The following CSMD1 variants were observed in gnomAD, a reference collection of about 807,000 sequenced individuals.
The protein encoded by CSMD1 is CUB and Sushi multiple domains 1.
Under a neutral mutation model 417.5 loss-of-function variants are expected in CSMD1, and 213 were observed. That is an observed-to-expected ratio of 0.51 (90% confidence interval 0.46 to 0.57). The LOEUF is 0.57. Ranked by LOEUF, CSMD1 falls within the 20% of genes least tolerant of loss-of-function variation. The pLI, the probability that CSMD1 is intolerant of heterozygous loss-of-function variation, is 0.00. For synonymous variants in CSMD1, 2,862 were observed against 1,736.8 expected, an observed-to-expected ratio of 1.65 and a Z score of -16.11; for missense variants, 6,923 against 4,529.7, an observed-to-expected ratio of 1.53 and a Z score of -15.17.
chr8:4,955,799 T>C (rs201837040), intron 1 of CSMD1, among the ~76,000 whole-genome samples: 1 of 45,482 alleles, frequency 2.2e-5, no homozygotes, highest in African/African-American at 5.6e-5. Context: ...TAACAGTACC[T>C]TCAAATTGGC....
intron 3 of CSMD1, among the ~76,000 whole-genome samples, chr8:4,377,545 T>C (rs575320946): frequency 6.6e-6 from 1 of 152,312 alleles, no homozygotes; most frequent in South Asian, 2.1e-4. Flanking sequence ...ATACTCAAAG[T>C]TGAGTCAGTA....
chr8:3,945,370 A>G (rs948825464), intron 5 of CSMD1, among the ~76,000 whole-genome samples: 3 of 152,124 alleles, frequency 2.0e-5, no homozygotes, highest in Non-Finnish European at 2.9e-5. Context: ...TCATAAAGGT[A>G]ACAAACCTGC....
chr8:3,959,526 C>T (rs1183064128), intron 5 of CSMD1, among the ~76,000 whole-genome samples: 2 of 152,214 alleles, frequency 1.3e-5, no homozygotes, highest in East Asian at 1.9e-4. Context: ...AACAAACCAA[C>T]GAACGAAAGA....
intron 3 of CSMD1, among the ~76,000 whole-genome samples, chr8:4,270,541 A>T (rs1469953412): frequency 6.6e-6 from 1 of 152,152 alleles, no homozygotes; most frequent in African/African-American, 2.4e-5. Flanking sequence ...AGCTGTGACT[A>T]GTACAGCTTG....
intron 8 of CSMD1, among the ~76,000 whole-genome samples, chr8:3,613,777 G>T (rs1315877848): frequency 6.7e-6 from 1 of 150,340 alleles, no homozygotes; most frequent in Non-Finnish European, 1.5e-5. Context: ...TCCTCAAACT[G>T]ATAAAGGGCA....
At chr8:4,035,033 T>C (rs1050722137) in intron 3 of CSMD1, among the ~76,000 whole-genome samples, 1 of 152,166 alleles carries the variant, frequency 6.6e-6, no homozygotes, top group African/African-American at 2.4e-5. Flanking sequence ...CAATTAACTT[T>C]GGTATGAATA....
intron 2 of CSMD1, among the ~76,000 whole-genome samples, chr8:4,601,094 T>G (rs1416252779): frequency 6.6e-6 from 1 of 151,914 alleles, no homozygotes; most frequent in Non-Finnish European, 1.5e-5. Flanking sequence ...GTAGCTGGGA[T>G]TACAGGCATG....
At chr8:4,692,366 C>CA (rs766256025) in intron 1 of CSMD1, among the ~76,000 whole-genome samples, 1 of 152,082 alleles carries the variant, frequency 6.6e-6, no homozygotes, top group Non-Finnish European at 1.5e-5. Flanking sequence ...CAAAACGAAA[C>CA]AAAAAACTGA....
chr8:4,879,750 A>T (rs181631469), intron 1 of CSMD1, among the ~76,000 whole-genome samples: 1 of 152,240 alleles, frequency 6.6e-6, no homozygotes. Flanking sequence ...ATAATGTTAT[A>T]GAACCGGAAA....
chr8:3,643,484 C>CAAGGTCAGGAG (rs1797409892), intron 7 of CSMD1, among the ~76,000 whole-genome samples: 1 of 151,896 alleles, frequency 6.6e-6, no homozygotes, highest in African/African-American at 2.4e-5. Flanking sequence ...AGGCGGATCA[C>CAAGGTCAGGAG]AAGGTCAGGA....
intron 5 of CSMD1, among the ~76,000 whole-genome samples, chr8:3,939,478 A>G (rs764019531): frequency 6.6e-6 from 1 of 152,160 alleles, no homozygotes; most frequent in Non-Finnish European, 1.5e-5. Flanking sequence ...TAAAAGTAGA[A>G]CTACCATGTG....
intron 7 of CSMD1, among the ~76,000 whole-genome samples, chr8:3,628,893 C>T (rs529827899): frequency 2.2e-4 from 32 of 148,164 alleles, no homozygotes; most frequent in African/African-American, 7.0e-4. Flanking sequence ...TTATTCAAAA[C>T]GAAGACAGGC....
intron 7 of CSMD1, among the ~76,000 whole-genome samples, chr8:3,617,023 T>G (rs929827083): frequency 1.6e-4 from 25 of 152,162 alleles, no homozygotes; most frequent in African/African-American, 6.0e-4. Flanking sequence ...TGGTTTTATT[T>G]CTCTCATTTT....
At chr8:4,158,966 A>G (rs13249251) in intron 3 of CSMD1, among the ~76,000 whole-genome samples, 7,619 of 152,270 alleles carry the variant, frequency 0.05, 254 homozygotes, top group Non-Finnish European at 0.066. Flanking sequence ...CCCAGGTTGG[A>G]GTGCAGTGGC....
chr8:4,967,399 T>C (rs996656363), intron 1 of CSMD1, among the ~76,000 whole-genome samples: 5 of 152,262 alleles, frequency 3.3e-5, no homozygotes, highest in Non-Finnish European at 7.4e-5. Context: ...TTGCCTATAA[T>C]ACATATTGAT....
intron 5 of CSMD1, among the ~76,000 whole-genome samples, chr8:3,909,833 G>C (rs961845032): frequency 6.7e-6 from 1 of 150,100 alleles, no homozygotes. Flanking sequence ...TGTAATAGAA[G>C]CACCACGTAT....
chr8:4,388,439 G>C lies in CSMD1; in HGVS notation c.415+31514C>G, dbSNP rs143518069. Among the ~76,000 whole-genome samples the C allele has an allele frequency of 4.6e-3, 702 of 151,830 alleles. 6 individuals are homozygous for C. Among genetic ancestry groups the C allele is most frequent in the African/African-American group, 0.016 (653 of 41,392 alleles). On this transcript the variant is annotated intron_variant, in intron 3 of 69. Transcript: ENST00000635120. ...GACATTGGAGACTATTTTTCTAAGT[G>C]AAGTAACTCAGGAATGAAAAACAAA...
intron 6 of CSMD1, among the ~76,000 whole-genome samples, chr8:3,716,429 G>T (rs974269756): frequency 6.6e-6 from 1 of 152,196 alleles, no homozygotes; most frequent in Non-Finnish European, 1.5e-5. Context: ...TAAACAAGGG[G>T]TGGATTATTC....
intron 2 of CSMD1, among the ~76,000 whole-genome samples, chr8:4,516,285 C>A (rs1803118232): frequency 6.6e-6 from 1 of 152,120 alleles, no homozygotes; most frequent in Admixed American, 6.5e-5. Context: ...GAGAAACCAA[C>A]CCCACTGACA....
Sources: gnomAD v4.1 joint callset for allele counts (sites outside exome capture counted in the v4.1 genomes callset) on GRCh38, gnomAD v4.1.1 for gene constraint, MANE v1.5 for transcripts, NCBI Gene and HGNC (gene_info 2026-07-23, HGNC 2026-07-21) for gene names.